Variants in MTUS2 observed in about 807,000 individuals in gnomAD.
MTUS2 encodes microtubule-associated tumor suppressor candidate 2.
Under a neutral mutation model 114.1 loss-of-function variants are expected in MTUS2, and 40 were observed. The observed-to-expected ratio is 0.35, with a 90% CI of 0.27 to 0.46. MTUS2 has a LOEUF of 0.46. MTUS2 is among the 20% of genes least tolerant of loss of function. The pLI is 1.00. For synonymous variants in MTUS2, 688 were observed against 672.0 expected (o/e 1.02, Z -0.37); for missense variants, 1,679 against 1,705.4 (o/e 0.98, Z 0.27).
intron 5 of MTUS2, among the ~76,000 whole-genome samples, chr13:29,245,591 A>G (rs746079582): frequency 2.6e-5 from 4 of 152,204 alleles, no homozygotes; most frequent in Non-Finnish European, 5.9e-5. Context: ...TTCTTTGAAG[A>G]TCCCTCTATC....
At chr13:29,041,807 A>G (rs1400996560) in intron 4 of MTUS2, among the ~76,000 whole-genome samples, 2 of 152,118 alleles carry the variant, frequency 1.3e-5, no homozygotes, top group Non-Finnish European at 2.9e-5. Context: ...ATCTGTGTAT[A>G]TTGATTTTGT....
chr13:29,205,384 C>A (rs1442600144), intron 5 of MTUS2, among the ~76,000 whole-genome samples: 2 of 151,856 alleles, frequency 1.3e-5, no homozygotes, highest in Non-Finnish European at 2.9e-5. Context: ...ACATTAATGT[C>A]ATTTCTCTCT....
chr13:29,252,910 C>CTT lies in MTUS2; in HGVS notation c.2645-28785_2645-28784dup, dbSNP rs149861983. ...ATGGAACTGTGAGTCCATTAAGCTT[C>CTT]TTTTTTTTTTATAAATTACCTTGTC... On this transcript the variant is annotated intron_variant, in intron 5 of 15. Coordinates refer to ENST00000612955, the MANE Select transcript of MTUS2 (RefSeq NM_001033602.4). Among the ~76,000 whole-genome samples the CTT allele has an allele frequency of 1.1e-4, 17 of 149,164 alleles. No individual in the cohort carries two copies. The South Asian group carries it at 1.3e-3, about 11-fold the overall frequency.
intron 8 of MTUS2, among the ~76,000 whole-genome samples, chr13:29,420,238 A>T (rs190197599): frequency 7.8e-4 from 116 of 149,148 alleles, no homozygotes; most frequent in African/African-American, 1.9e-3. Context: ...TCCTTAACTT[A>T]CTTTCTTTCT....
chr13:29,285,825 CAA>C lies in MTUS2; in HGVS notation c.2806+3962_2806+3963del, dbSNP rs1898457345. Among the ~76,000 whole-genome samples the C allele has an allele frequency of 2.6e-5, 4 of 152,202 alleles. No individual in the cohort carries two copies. In the South Asian group the frequency reaches 8.3e-4, roughly 32 times the overall value. On this transcript the variant is annotated intron_variant, in intron 6 of 15. Transcript: ENST00000612955. ...AGCTAATTTTAGATCCTAATTCAAA[CAA>C]ACATTTGAACAAAAATTTGAAATTC...
chr13:29,196,136 G>T (rs534451040), intron 5 of MTUS2, among the ~76,000 whole-genome samples: 1 of 149,132 alleles, frequency 6.7e-6, no homozygotes, highest in Non-Finnish European at 1.5e-5. Context: ...TCGCTCTGTC[G>T]CCGAGGTGGG....
chr13:28,893,155 G>T (rs1036922576), intron 2 of MTUS2, among the ~76,000 whole-genome samples: 21 of 152,152 alleles, frequency 1.4e-4, no homozygotes, highest in African/African-American at 5.1e-4. Context: ...TAGGTAGACG[G>T]GAGCCAGTGA....
intron 5 of MTUS2, among the ~76,000 whole-genome samples, chr13:29,211,393 T>C (rs1160504581): frequency 6.6e-6 from 1 of 152,296 alleles, no homozygotes; most frequent in Non-Finnish European, 1.5e-5. Context: ...AGCGGGACTT[T>C]CAGGTTTCAC....
In MTUS2 at chr13:29,389,630, T is replaced by C. The variant is rs867240699; in HGVS notation, c.3117+30157T>C. Among the ~76,000 whole-genome samples, 7 of 111,276 alleles carry C rather than the reference T, an allele frequency of 6.3e-5. 1 individual carries two copies. The highest frequency in any genetic ancestry group is 1.8e-4 in the Admixed American group (2 of 10,904). The allele number at this position is 111,276 out of a possible 152,430, so 73.0% of individuals were successfully genotyped here. Reference sequence around the variant, plus strand: ...GTATACATATGTGTGTATATATGTATACACATATGTGTATGTATATACGTA... The same window carrying C: ...GTATACATATGTGTGTATATATGTACACACATATGTGTATGTATATACGTA... On this transcript the variant is annotated intron_variant, in intron 8 of 15. Transcript: ENST00000612955.
At chr13:29,051,898 G>C (rs1017154743) in intron 4 of MTUS2, among the ~76,000 whole-genome samples, 1 of 152,152 alleles carries the variant, frequency 6.6e-6, no homozygotes, top group Non-Finnish European at 1.5e-5. Context: ...ACAAGACTTG[G>C]AGCTCTTTCA....
chr13:29,131,896 A>G (rs949161884), intron 5 of MTUS2, among the ~76,000 whole-genome samples: 1 of 152,248 alleles, frequency 6.6e-6, no homozygotes, highest in Non-Finnish European at 1.5e-5. Context: ...TTTTGATTGA[A>G]TCCTTACGTG....
chr13:28,879,863 T>C (rs899864265), intron 2 of MTUS2, among the ~76,000 whole-genome samples: 2 of 152,124 alleles, frequency 1.3e-5, no homozygotes, highest in Non-Finnish European at 1.5e-5. Context: ...TCAGGGTCAA[T>C]GTTCAGTAAC....
chr13:28,898,400 G>T (rs867052737), intron 2 of MTUS2, among the ~76,000 whole-genome samples: 2 of 152,166 alleles, frequency 1.3e-5, no homozygotes, highest in African/African-American at 4.8e-5. Context: ...TCAGAGCATG[G>T]TATGTTCCTC....
intron 2 of MTUS2, among the ~76,000 whole-genome samples, chr13:28,891,060 C>T (rs1272761884): frequency 6.6e-6 from 1 of 152,208 alleles, no homozygotes; most frequent in Non-Finnish European, 1.5e-5. Context: ...CCCCTCTGGA[C>T]GAGCCCCTGC....
chr13:29,079,166 A>T (rs558936087), intron 4 of MTUS2, among the ~76,000 whole-genome samples: 1 of 152,158 alleles, frequency 6.6e-6, no homozygotes, highest in South Asian at 2.1e-4. Flanking sequence ...ACTTTTTCTG[A>T]TGGCTGAAAA....
intron 4 of MTUS2, among the ~76,000 whole-genome samples, chr13:29,071,110 T>C (rs1036659652): frequency 2.6e-5 from 4 of 151,934 alleles, no homozygotes; most frequent in Admixed American, 2.0e-4. Context: ...GTTCAAGCGA[T>C]TCTCCTGCCT....
intron 5 of MTUS2, among the ~76,000 whole-genome samples, chr13:29,268,046 G>T (rs1266386737): frequency 6.6e-6 from 1 of 152,056 alleles, no homozygotes; most frequent in East Asian, 1.9e-4. Context: ...TGTGCAGAAC[G>T]TGCAGGTTTG....
chr13:29,244,489 G>A (rs1896838889), intron 5 of MTUS2, among the ~76,000 whole-genome samples: 1 of 152,112 alleles, frequency 6.6e-6, no homozygotes, highest in South Asian at 2.1e-4. Context: ...GAAGGGCATG[G>A]AGACTGAATG....
At chr13:29,479,384 G>A (rs1256698988) in intron 9 of MTUS2, among the ~76,000 whole-genome samples, 1 of 152,180 alleles carries the variant, frequency 6.6e-6, no homozygotes, top group Non-Finnish European at 1.5e-5. Flanking sequence ...ACAGCACAGG[G>A]GAGGCACAGA....
Sources: gnomAD v4.1 joint callset for allele counts (sites outside exome capture counted in the v4.1 genomes callset) on GRCh38, gnomAD v4.1.1 for gene constraint, MANE v1.5 for transcripts, NCBI Gene and HGNC (gene_info 2026-07-23, HGNC 2026-07-21) for gene names.